ARHGAP28: variants seen among roughly 807,000 people sequenced by gnomAD.
The protein encoded by ARHGAP28 is Rho GTPase activating protein 28.
In ARHGAP28, 56 loss-of-function variants were observed where a neutral mutation model predicts 90.7. The ratio of observed to expected loss-of-function variants is 0.62; its 90% CI spans 0.50 to 0.77. The LOEUF (loss-of-function observed/expected upper bound fraction) is 0.77, where lower values mean the gene tolerates loss of function less well. Among genes scored for constraint, ARHGAP28 ranks in the 30% least tolerant of loss-of-function variants. The pLI, the probability that ARHGAP28 is intolerant of heterozygous loss-of-function variation, is 0.00. For missense variants in ARHGAP28, 869 were observed against 900.9 expected (o/e 0.96, Z 0.45); for synonymous variants, 308 against 323.3 (o/e 0.95, Z 0.51).
chr18:6,862,193 T>A (rs2143413503), intron 5 of ARHGAP28, among the ~76,000 whole-genome samples: 2 of 152,288 alleles, frequency 1.3e-5, no homozygotes, highest in East Asian at 3.9e-4. Context: ...TTCTTGGTTA[T>A]AAGGAACCAC....
intron 1 of ARHGAP28, among the ~76,000 whole-genome samples, chr18:6,817,738 A>G (rs1404532056): frequency 1.3e-5 from 2 of 152,120 alleles, no homozygotes; most frequent in Non-Finnish European, 2.9e-5. Flanking sequence ...CATTCCAAGG[A>G]GGGAGAATGG....
At chr18:6,903,444 A>G (rs1002898521) in intron 16 of ARHGAP28, among the ~76,000 whole-genome samples, 1 of 152,224 alleles carries the variant, frequency 6.6e-6, no homozygotes, top group African/African-American at 2.4e-5. Flanking sequence ...GTAAACTGCA[A>G]TAAGTTACAC....
intron 5 of ARHGAP28, among the ~76,000 whole-genome samples, chr18:6,865,048 AT>A (rs1353144173): frequency 6.6e-6 from 1 of 152,072 alleles, no homozygotes; most frequent in Admixed American, 6.6e-5. Context: ...AATTGTGCCT[AT>A]TTTTTCCTAT....
At chr18:6,856,613 G>A (rs1440903861) in intron 4 of ARHGAP28, among the ~76,000 whole-genome samples, 7 of 151,130 alleles carry the variant, frequency 4.6e-5, no homozygotes, top group African/African-American at 1.7e-4. Context: ...GGGCTCCAAT[G>A]ATCCTCCCTC....
chr18:6,758,105 C>A (rs1378665656), intron 1 of ARHGAP28, among the ~76,000 whole-genome samples: 2 of 152,132 alleles, frequency 1.3e-5, no homozygotes, highest in Non-Finnish European at 2.9e-5. Context: ...CAAACTGATG[C>A]CTGAGGAATT....
intron 1 of ARHGAP28, chr18:6,790,909 A>G (rs1241337661): frequency 6.6e-6 from 1 of 152,184 alleles, no homozygotes; most frequent in Admixed American, 6.5e-5. Flanking sequence ...TAGATCCATT[A>G]CTCAGCACTA....
At chr18:6,827,719 C>T (rs1277854155) in intron 2 of ARHGAP28, among the ~76,000 whole-genome samples, 1 of 151,640 alleles carries the variant, frequency 6.6e-6, no homozygotes, top group African/African-American at 2.4e-5. Flanking sequence ...GTGTGGTTGC[C>T]GGGTGGAGGG....
chr18:6,787,274 A>G (rs1190023269), intron 1 of ARHGAP28, among the ~76,000 whole-genome samples: 2 of 147,274 alleles, frequency 1.4e-5, no homozygotes, highest in Admixed American at 1.3e-4. Context: ...ATGTATTTTG[A>G]GGATAAGAAA....
At chr18:6,875,099 G>A (rs1282497326) in intron 9 of ARHGAP28, 1 of 152,186 alleles carries the variant, frequency 6.6e-6, no homozygotes, top group Admixed American at 6.5e-5. Context: ...AATCAAAGAC[G>A]ATTCAGCACA....
intron 1 of ARHGAP28, among the ~76,000 whole-genome samples, chr18:6,802,965 G>C (rs2056492972): frequency 6.6e-6 from 1 of 151,956 alleles, no homozygotes; most frequent in Non-Finnish European, 1.5e-5. Flanking sequence ...CAAAATTCAT[G>C]TATTAATTTT....
intron 4 of ARHGAP28, among the ~76,000 whole-genome samples, chr18:6,857,222 T>C (rs2056960717): frequency 6.6e-6 from 1 of 152,222 alleles, no homozygotes; most frequent in Non-Finnish European, 1.5e-5. Flanking sequence ...AACTAAATTC[T>C]ATCATTAAAA....
intron 10 of ARHGAP28, among the ~76,000 whole-genome samples, chr18:6,879,443 C>G (rs985507902): frequency 1.3e-5 from 2 of 152,140 alleles, no homozygotes; most frequent in Admixed American, 6.5e-5. Flanking sequence ...CTCATCCTTG[C>G]CTAGTCAGGG....
At chr18:6,858,031 T>C (rs1396610870) in intron 4 of ARHGAP28, among the ~76,000 whole-genome samples, 2 of 152,198 alleles carry the variant, frequency 1.3e-5, no homozygotes, top group African/African-American at 4.8e-5. Flanking sequence ...ATTTCATTTC[T>C]TGTTCTCCCC....
intron 3 of ARHGAP28, among the ~76,000 whole-genome samples, chr18:6,840,524 T>G (rs1394705113): frequency 6.6e-6 from 1 of 152,188 alleles, no homozygotes; most frequent in Admixed American, 6.5e-5. Context: ...TTCCTCAAAA[T>G]GAAATTTCTT....
intron 1 of ARHGAP28, among the ~76,000 whole-genome samples, chr18:6,822,396 G>A (rs909728950): frequency 3.9e-5 from 6 of 152,094 alleles, no homozygotes; most frequent in African/African-American, 1.2e-4. Context: ...AAAGAAGTAG[G>A]TGTTTATATA....
rs1392843973 is a variant in ARHGAP28, at chr18:6,890,449, C to G, written c.1754C>G (p.Thr585Ser). The change falls in exon 14 of 18, where the codon ACT becomes AGT. Residue 585 changes from threonine (T) to serine (S), a missense_variant. Coordinates refer to ENST00000383472, the MANE Select transcript of ARHGAP28 (RefSeq NM_001366230.1). ...CTCCAGGTTCCATCTTTCTTAATCACTCAAGTAAGAAGAATGAATGAAGCC... is the reference window on the plus strand; with the variant it reads ...CTCCAGGTTCCATCTTTCTTAATCAGTCAAGTAAGAAGAATGAATGAAGCC... The part of the protein sequence containing the change: ...ILWKVPSFLI[T>S]QVRRMNEATM... 6.2e-6 allele frequency: 10 copies of G among 1,610,494 alleles called. No individual in the cohort carries two copies. The highest frequency in any genetic ancestry group is 8.5e-6 in the Non-Finnish European group (10 of 1,177,546).
rs1487339239 is a variant in ARHGAP28, at chr18:6,914,424, T to C, written c.*2270T>C. 6.6e-6 allele frequency: 1 copy of C among 152,190 alleles called. No individual in the cohort carries two copies. The highest frequency in any genetic ancestry group is 1.5e-5 in the Non-Finnish European group (1 of 68,018). 9.4% of individuals were successfully genotyped at this position (152,190 alleles called of 1,614,324 possible). A position where few individuals can be genotyped will look rare whatever the true frequency, so the allele number is the denominator to read the frequency against. ...CTAGTATCATTGGATATAACTTTGA[T>C]TCTTAATCAGAGGGCAAATTCATTA... On this transcript the variant is annotated 3_prime_UTR_variant, in exon 18 of 18. Transcript: ENST00000383472.
In ARHGAP28 at chr18:6,909,029, G is replaced by A. The variant is rs1182938462; in HGVS notation, c.2095+5G>A. On this transcript the variant is annotated splice_donor_5th_base_variant and intron_variant, in intron 17 of 17. Coordinates refer to ENST00000383472, the MANE Select transcript of ARHGAP28 (RefSeq NM_001366230.1). ...ATGAAATTGGAGGAAATATAGGTAA[G>A]CATACTGTAATAATTTCTACTGCTA... 12 of 1,439,814 alleles carry A rather than the reference G, an allele frequency of 8.3e-6. No individual in the cohort carries two copies. The highest frequency in any genetic ancestry group is 1.1e-5 in the Non-Finnish European group (11 of 1,030,556). 89.2% of individuals were successfully genotyped at this position (1,439,814 alleles called of 1,614,324 possible). A position where few individuals can be genotyped will look rare whatever the true frequency, so the allele number is the denominator to read the frequency against.
intron 4 of ARHGAP28, among the ~76,000 whole-genome samples, chr18:6,858,293 T>C (rs1448575914): frequency 6.6e-6 from 1 of 152,166 alleles, no homozygotes; most frequent in Non-Finnish European, 1.5e-5. Context: ...TCATTCTACA[T>C]TATTTGTTTT....
Sources: gnomAD v4.1 joint callset for allele counts (sites outside exome capture counted in the v4.1 genomes callset) on GRCh38, gnomAD v4.1.1 for gene constraint, MANE v1.5 for transcripts, NCBI Gene and HGNC (gene_info 2026-07-23, HGNC 2026-07-21) for gene names.